The following STAG2 variants were observed in gnomAD, a reference collection of about 807,000 sequenced individuals.
STAG2 encodes cohesin subunit SA-2.
In STAG2, 14 loss-of-function variants were observed where a neutral mutation model predicts 108.1. That is an observed-to-expected ratio of 0.13 (90% CI 0.09 to 0.20). The LOEUF is 0.20. Ranked by LOEUF, STAG2 falls within the 10% of genes least tolerant of loss-of-function variation. STAG2 has a pLI of 1.00. For missense variants in STAG2, 440 were observed against 940.9 expected (o/e 0.47, Z 6.96); for synonymous variants, 307 against 302.7 (o/e 1.01, Z -0.15).
At chrX:124,064,090 G>A in intron 20 of STAG2, 39 bp downstream of exon 20, 1 of 1,021,526 alleles carries the variant, frequency 9.8e-7, no homozygotes, top group Middle Eastern at 3.7e-4. Flanking sequence ...TGTCAGTTGA[G>A]CCCCTCTACT....
rs2056441641 is a variant in STAG2, at chrX:124,009,443, G to GA, written c.-162-11924_-162-11923insA. On this transcript the variant is annotated intron_variant, in intron 1 of 34. Transcript: ENST00000371145. Reference sequence around the variant, plus strand: ...GGTAGGTAGGTAGGTAGGTAGGTAGGTAGATAGATAGATAGATAGATAGAT... The same window carrying GA: ...GGTAGGTAGGTAGGTAGGTAGGTAGGATAGATAGATAGATAGATAGATAGAT... Among the ~76,000 whole-genome samples, 351 of 63,589 alleles carry GA rather than the reference G, an allele frequency of 5.5e-3. 2 individuals are homozygous for GA. Among genetic ancestry groups the GA allele is most frequent in the African/African-American group, 0.014 (235 of 16,410 alleles). The allele number at this position is 63,589 out of a possible 115,157, so 55.2% of individuals were successfully genotyped here.
rs36097834 is a variant in STAG2, at chrX:124,061,743, C to CTTTTTTT, written c.1535-9_1535-3dup. On this transcript the variant is annotated intron_variant, in intron 16 of 34. Coordinates refer to ENST00000371145, the MANE Select transcript of STAG2 (RefSeq NM_001042750.2). ...GAAGAAATAAGCTAACTCTTTCTGA[C>CTTTTTTT]TTTTTTTTTTTTTTTTTTTTTTTTT... 215 of 474,316 alleles carry CTTTTTTT rather than the reference C, an allele frequency of 4.5e-4. 11 individuals carry two copies. In the African/African-American group the frequency reaches 6.1e-3, roughly 13 times the overall value. 39.1% of individuals were successfully genotyped at this position (474,316 alleles called of 1,213,427 possible). A position where few individuals can be genotyped will look rare whatever the true frequency, so the allele number is the denominator to read the frequency against.
At chrX:124,035,638 A>G (rs765153340) in intron 5 of STAG2, among the ~76,000 whole-genome samples, 3 of 112,339 alleles carry the variant, frequency 2.7e-5, no homozygotes, top group Non-Finnish European at 5.6e-5. Context: ...GCACTAACAC[A>G]GTTAGGGACT....
chrX:123,972,926 G>A (rs1305721322), intron 1 of STAG2, among the ~76,000 whole-genome samples: 3 of 100,599 alleles, frequency 3.0e-5, no homozygotes, highest in Non-Finnish European at 2.0e-5. Context: ...GCGCTCACCT[G>A]TGGTCTCAGC....
At position 124,057,914 on chromosome X, in the gene STAG2, A is replaced by G; in HGVS notation, c.1353A>G (p.Arg451=). The change falls in exon 15 of 35, where the codon AGA becomes AGG. Residue 451 remains arginine, a synonymous_variant. Coordinates refer to ENST00000371145, the MANE Select transcript of STAG2 (RefSeq NM_001042750.2). ...AGGAGGATGGAATGATGAAAAGAAG[A>G]GGAAGACAAGGTCCAAATGCCAACC... ...DPEEDGMMKR[R]GRQGPNANLV... The G allele has an allele frequency of 8.4e-7, 1 of 1,193,745 alleles. No homozygotes were observed. Among genetic ancestry groups the G allele is most frequent in the Middle Eastern group, 2.3e-4 (1 of 4,283 alleles).
intron 1 of STAG2, among the ~76,000 whole-genome samples, chrX:124,012,204 ATT>A (rs1430945170): frequency 2.7e-5 from 3 of 112,015 alleles, no homozygotes; most frequent in Non-Finnish European, 5.6e-5. Context: ...GTTTGCTAGT[ATT>A]TTGTTAGGAA....
chrX:123,975,041 C>T (rs1480724176), intron 1 of STAG2, among the ~76,000 whole-genome samples: 3 of 111,754 alleles, frequency 2.7e-5, no homozygotes, highest in Non-Finnish European at 5.6e-5. Context: ...GTAATTTTTA[C>T]AGTCACCAGT....
At chrX:124,003,837 C>T (rs2056168551) in intron 1 of STAG2, 1 of 110,882 alleles carries the variant, frequency 9.0e-6, no homozygotes, top group Non-Finnish European at 1.9e-5. Context: ...TAGATTTGTT[C>T]TTTTATCTTT....
chrX:123,995,005 G>A (rs1224201187), intron 1 of STAG2, among the ~76,000 whole-genome samples: 1 of 111,538 alleles, frequency 9.0e-6, no homozygotes, highest in Non-Finnish European at 1.9e-5. Flanking sequence ...AAACAACAAC[G>A]TAAACAAAAA....
At chrX:124,004,617 G>A (rs1281866196) in intron 1 of STAG2, among the ~76,000 whole-genome samples, 1 of 111,763 alleles carries the variant, frequency 8.9e-6, no homozygotes, top group East Asian at 2.8e-4. Context: ...AGATACTTGA[G>A]TTGCTTCTAC....
chrX:124,052,239 A>G (rs1340710002), intron 13 of STAG2, among the ~76,000 whole-genome samples: 1 of 111,688 alleles, frequency 9.0e-6, no homozygotes, highest in Non-Finnish European at 1.9e-5. Context: ...CATTACCTAT[A>G]TTTACGTTGT....
intron 23 of STAG2, among the ~76,000 whole-genome samples, chrX:124,068,332 A>T (rs2058589374): frequency 9.0e-6 from 1 of 111,458 alleles, no homozygotes; most frequent in African/African-American, 3.3e-5. Flanking sequence ...GCCTTAGGAT[A>T]TTATCTATTA....
At chrX:124,037,667 C>T in intron 6 of STAG2, 44 bp downstream of exon 6, 1 of 871,864 alleles carries the variant, frequency 1.1e-6, no homozygotes, top group Non-Finnish European at 1.6e-6. Context: ...CAAATAGTCA[C>T]TTCGTTGTTC....
At chrX:124,080,605 G>A (rs971023957) in intron 27 of STAG2, among the ~76,000 whole-genome samples, 5 of 109,920 alleles carry the variant, frequency 4.5e-5, no homozygotes, top group East Asian at 5.7e-4. Context: ...GGAGAATGGC[G>A]TGAACCCGGG....
rs764628511 is a variant in STAG2, at chrX:124,077,769, T to C, written c.2674-188T>C. On this transcript the variant is annotated intron_variant, in intron 26 of 34. Transcript: ENST00000371145. ...CTTAACTGTTTTGTATATATGATTT[T>C]ACTGAAGTTAGGGATTGTATGCTTA... Among the ~76,000 whole-genome samples the C allele has an allele frequency of 2.7e-5, 3 of 111,999 alleles. No homozygotes were observed. In the South Asian group the frequency reaches 1.1e-3, roughly 41 times the overall value.
At chrX:124,091,635 A>G (rs780631472) in intron 32 of STAG2, among the ~76,000 whole-genome samples, 17 of 112,266 alleles carry the variant, frequency 1.5e-4, no homozygotes, top group Admixed American at 9.4e-4. Context: ...TTGGTCATCT[A>G]TGCTCCCATA....
At chrX:124,058,464 A>G (rs760598956) in intron 15 of STAG2, among the ~76,000 whole-genome samples, 8 of 112,409 alleles carry the variant, frequency 7.1e-5, no homozygotes, top group African/African-American at 2.6e-4. Flanking sequence ...TTCTTCTTCT[A>G]GTAAGATGTT....
At chrX:124,000,231 G>A (rs1458902106) in intron 1 of STAG2, among the ~76,000 whole-genome samples, 1 of 111,387 alleles carries the variant, frequency 9.0e-6, no homozygotes, top group African/African-American at 3.3e-5. Flanking sequence ...GTGTTTGTGG[G>A]GATGCTGGTG....
intron 4 of STAG2, 34 bp from the exon 5 acceptor site, chrX:124,030,927 G>A (rs1569507775): frequency 8.6e-7 from 1 of 1,167,505 alleles, no homozygotes; most frequent in Middle Eastern, 2.4e-4. Context: ...CAAGGATAGT[G>A]ATATAACTTA....
Sources: allele counts gnomAD v4.1 joint callset (sites outside exome capture counted in the v4.1 genomes callset), GRCh38; gene constraint gnomAD v4.1.1; transcripts MANE v1.5; gene names NCBI Gene and HGNC (gene_info 2026-07-23, HGNC 2026-07-21).